Variants in RNFT2 observed in about 807,000 individuals in gnomAD.
RNFT2 encodes ring finger protein, transmembrane 2, also known as E3 ubiquitin-protein ligase RNFT2.
RNFT2 carries 36 observed loss-of-function variants against 53.0 expected under a neutral mutation model. The observed-to-expected ratio is 0.68, with a 90% CI of 0.52 to 0.90. RNFT2 has a LOEUF of 0.90. RNFT2 is among the 40% of genes least tolerant of loss of function. The pLI, the probability that RNFT2 is intolerant of heterozygous loss-of-function variation, is 0.00. For missense variants in RNFT2, 514 were observed against 585.6 expected, an observed-to-expected ratio of 0.88 and a Z score of 1.26; for synonymous variants, 260 against 253.2, an observed-to-expected ratio of 1.03 and a Z score of -0.26.
At chr12:116,811,287 TG>T (rs925289458) in intron 7 of RNFT2, among the ~76,000 whole-genome samples, 1 of 151,894 alleles carries the variant, frequency 6.6e-6, no homozygotes, top group African/African-American at 2.4e-5. Context: ...GGGTGGAGAC[TG>T]GAGGTGATTT....
chr12:116,776,918 T>TTA (rs1482594170), intron 6 of RNFT2, among the ~76,000 whole-genome samples: 1 of 146,254 alleles, frequency 6.8e-6, no homozygotes, highest in Non-Finnish European at 1.5e-5. Flanking sequence ...AAAATGGGAT[T>TTA]TTTTTTTTTT....
chr12:116,853,074 G>A lies in RNFT2; in HGVS notation c.*3626G>A, dbSNP rs201613636. 1 of 419,256 alleles carries A rather than the reference G, an allele frequency of 2.4e-6. No homozygotes were observed. The highest frequency in any genetic ancestry group is 2.0e-5 in the African/African-American group (1 of 49,368). The allele number at this position is 419,256 out of a possible 1,614,324, so 26.0% of individuals were successfully genotyped here. On this transcript the variant is annotated 3_prime_UTR_variant, in exon 11 of 11. Transcript: ENST00000257575. ...CCTCTGGGGGAACGTCCCATCTGAG[G>A]TTTTCTTCTCGGTGGGGGGATTTAA...
chr12:116,852,488 A>T lies in RNFT2; in HGVS notation c.*3040A>T. 2 of 1,486,766 alleles carry T rather than the reference A, an allele frequency of 1.3e-6. No homozygotes were observed. The highest frequency in any genetic ancestry group is 1.8e-6 in the Non-Finnish European group (2 of 1,118,180). The allele number at this position is 1,486,766 out of a possible 1,614,324, so 92.1% of individuals were successfully genotyped here. On this transcript the variant is annotated 3_prime_UTR_variant, in exon 11 of 11. Coordinates refer to ENST00000257575, the MANE Select transcript of RNFT2 (RefSeq NM_001382266.1). ...TTACTATGGCGATGGCCATGATGTT[A>T]CAATCCCACTTGCCTGAATAATCAA...
At position 116,771,188 on chromosome 12, in the gene RNFT2, C is replaced by T. The variant is rs181953040; in HGVS notation, c.728+4274C>T. On this transcript the variant is annotated intron_variant, in intron 6 of 10. Coordinates refer to ENST00000257575, the MANE Select transcript of RNFT2 (RefSeq NM_001382266.1). ...GTTAAACATGTGGATAGTCCAGGTGCGTTGGCTCACGCTGTAATCCCAGCA... is the reference window on the plus strand; with the variant it reads ...GTTAAACATGTGGATAGTCCAGGTGTGTTGGCTCACGCTGTAATCCCAGCA... Among the ~76,000 whole-genome samples, 19 of 152,060 alleles carry T rather than the reference C, an allele frequency of 1.2e-4. No individual in the cohort carries two copies. In the East Asian group the frequency reaches 2.9e-3, roughly 23 times the overall value.
At chr12:116,814,680 T>A (rs928022722) in intron 7 of RNFT2, among the ~76,000 whole-genome samples, 7 of 148,510 alleles carry the variant, frequency 4.7e-5, no homozygotes, top group African/African-American at 9.8e-5. Context: ...CGTATGATAT[T>A]TTTTTTTTTT....
chr12:116,834,936 G>A (rs577723841), intron 8 of RNFT2, among the ~76,000 whole-genome samples: 2 of 148,616 alleles, frequency 1.3e-5, no homozygotes, highest in East Asian at 2.0e-4. Context: ...TGCAACCTCC[G>A]CCTCCCGGGT....
At chr12:116,756,655 T>A (rs1186490894) in intron 5 of RNFT2, among the ~76,000 whole-genome samples, 1 of 152,240 alleles carries the variant, frequency 6.6e-6, no homozygotes, top group Non-Finnish European at 1.5e-5. Context: ...TGTTAAACCA[T>A]CCCTGCATCC....
intron 10 of RNFT2, among the ~76,000 whole-genome samples, chr12:116,842,647 C>T (rs1053556155): frequency 2.6e-5 from 4 of 152,134 alleles, no homozygotes; most frequent in African/African-American, 2.4e-5. Context: ...GGTCTTGGCT[C>T]ACTGCAACCT....
At chr12:116,751,749 TGTTTG>T (rs938067874) in intron 4 of RNFT2, among the ~76,000 whole-genome samples, 1 of 151,788 alleles carries the variant, frequency 6.6e-6, no homozygotes, top group African/African-American at 2.4e-5. Flanking sequence ...TTTTTTTGTT[TGTTTG>T]TTTTTGTTTT....
At chr12:116,834,657 A>G (rs1322846351) in intron 8 of RNFT2, among the ~76,000 whole-genome samples, 7 of 152,154 alleles carry the variant, frequency 4.6e-5, no homozygotes, top group Non-Finnish European at 4.4e-5. Flanking sequence ...AAATGGAATC[A>G]TGTAATAGGT....
Position 116,853,164 on chromosome 12 carries a change from C to G in RNFT2, c.*3716C>G. The G allele has an allele frequency of 2.5e-6, 1 of 402,974 alleles. No homozygotes were observed. The allele number at this position is 402,974 out of a possible 1,614,324, so 25.0% of individuals were successfully genotyped here. ...TCCAACACAGGCTACATGAATTCCC[C>G]TATACCAGTGCGAAAGCAGCCAGGA... On this transcript the variant is annotated 3_prime_UTR_variant, in exon 11 of 11. Coordinates refer to ENST00000257575, the MANE Select transcript of RNFT2 (RefSeq NM_001382266.1).
At chr12:116,841,850 TATATAAAA>T (rs1565876068) in intron 10 of RNFT2, among the ~76,000 whole-genome samples, 15 of 24,200 alleles carry the variant, frequency 6.2e-4, no homozygotes, top group African/African-American at 2.0e-3. Context: ...TATATAAATA[TATATAAAA>T]ATATATATAT....
intron 10 of RNFT2, among the ~76,000 whole-genome samples, chr12:116,842,698 C>A (rs149553939): frequency 0.011 from 1,611 of 152,200 alleles, 37 homozygotes; most frequent in African/African-American, 0.037. Flanking sequence ...CTCAGCCTCC[C>A]GAATAGCTTG....
intron 7 of RNFT2, chr12:116,801,170 G>C (rs1313836234): frequency 6.6e-6 from 1 of 152,230 alleles, no homozygotes; most frequent in Non-Finnish European, 1.5e-5. Context: ...GCAAAGCCAG[G>C]GGGTGCTGAG....
intron 7 of RNFT2, among the ~76,000 whole-genome samples, chr12:116,803,509 C>T (rs1021671023): frequency 6.6e-6 from 1 of 152,154 alleles, no homozygotes; most frequent in East Asian, 1.9e-4. Flanking sequence ...TCCGCTGACC[C>T]CACTTACATC....
intron 7 of RNFT2, among the ~76,000 whole-genome samples, chr12:116,818,895 A>G (rs191462234): frequency 7.2e-5 from 11 of 152,280 alleles, no homozygotes; most frequent in Admixed American, 3.3e-4. Context: ...CACTGTTTAC[A>G]CCAGAGCAAG....
chr12:116,755,564 C>G (rs1224987920), intron 5 of RNFT2: 2 of 845,006 alleles, frequency 2.4e-6, no homozygotes, highest in Admixed American at 1.7e-5. Context: ...TTTCAGGAAG[C>G]TATCTCGGCT....
chr12:116,778,340 A>G (rs1873530332), intron 6 of RNFT2, among the ~76,000 whole-genome samples: 1 of 152,184 alleles, frequency 6.6e-6, no homozygotes. Context: ...TTCTCATGAC[A>G]GTGAGTTCTT....
intron 5 of RNFT2, among the ~76,000 whole-genome samples, chr12:116,757,533 T>C (rs2137085215): frequency 6.6e-6 from 1 of 152,300 alleles, no homozygotes; most frequent in South Asian, 2.1e-4. Context: ...ATTATTGTCA[T>C]TCAGTTTGAA....
Sources: gnomAD v4.1 joint callset for allele counts (sites outside exome capture counted in the v4.1 genomes callset) on GRCh38, gnomAD v4.1.1 for gene constraint, MANE v1.5 for transcripts, NCBI Gene and HGNC (gene_info 2026-07-23, HGNC 2026-07-21) for gene names.